The following MOB1B variants were observed in gnomAD, a reference collection of about 807,000 sequenced individuals.
The protein encoded by MOB1B is MOB kinase activator 1B.
MOB1B carries 19 observed loss-of-function variants against 24.4 expected under a neutral mutation model. The observed-to-expected ratio is 0.78, with a 90% confidence interval of 0.54 to 1.14. The LOEUF is 1.14. Ranked by LOEUF, MOB1B falls within the 50% of genes most tolerant of loss-of-function variation. MOB1B has a pLI of 0.00. For synonymous variants in MOB1B, 76 were observed against 82.1 expected (o/e 0.93, Z 0.40); for missense variants, 243 against 259.6 (o/e 0.94, Z 0.44).
At chr4:70,952,153 A>G (rs1737835720) in intron 1 of MOB1B, among the ~76,000 whole-genome samples, 1 of 152,170 alleles carries the variant, frequency 6.6e-6, no homozygotes, top group African/African-American at 2.4e-5. Flanking sequence ...TGTTTGTGGT[A>G]GCAGATGACT....
At chr4:70,905,458 A>G (rs1011012895) in intron 1 of MOB1B, among the ~76,000 whole-genome samples, 6 of 151,416 alleles carry the variant, frequency 4.0e-5, no homozygotes, top group South Asian at 2.1e-4. Flanking sequence ...CATGTTGCCC[A>G]GGCTGGTCTC....
intron 1 of MOB1B, among the ~76,000 whole-genome samples, chr4:70,934,414 A>G (rs867391835): frequency 1.4e-4 from 22 of 151,830 alleles, no homozygotes; most frequent in African/African-American, 5.1e-4. Context: ...AATATATATT[A>G]TGTAAACACT....
Position 70,982,088 on chromosome 4 carries a change from A to C in MOB1B, c.*31A>C. On this transcript the variant is annotated 3_prime_UTR_variant, in exon 6 of 6. Transcript: ENST00000309395. ...TGCAGAGCTGTGCAAATTGTTCCTC[A>C]AATGAAGCAGTGTGGAGTGTATTGG... is the stretch of plus-strand genomic sequence containing the variant. 1 of 1,497,030 alleles carries C rather than the reference A, an allele frequency of 6.7e-7. No individual in the cohort carries two copies. Among genetic ancestry groups the C allele is most frequent in the Non-Finnish European group, 9.3e-7 (1 of 1,075,406 alleles). 92.7% of individuals were successfully genotyped at this position (1,497,030 alleles called of 1,614,324 possible).
intron 1 of MOB1B, among the ~76,000 whole-genome samples, chr4:70,938,182 G>A (rs1033207006): frequency 1.4e-4 from 21 of 151,792 alleles, no homozygotes; most frequent in African/African-American, 4.4e-4. Context: ...TTGGATTTCT[G>A]TGTGCATGAG....
At chr4:70,973,824 T>C (rs1738867558) in intron 3 of MOB1B, among the ~76,000 whole-genome samples, 1 of 152,194 alleles carries the variant, frequency 6.6e-6, no homozygotes. Context: ...TATAGCTTGT[T>C]TAGTATTATT....
intron 1 of MOB1B, among the ~76,000 whole-genome samples, chr4:70,955,904 TTTA>T (rs1323595323): frequency 6.6e-6 from 1 of 152,046 alleles, no homozygotes; most frequent in Non-Finnish European, 1.5e-5. Context: ...TAAATTTCAT[TTTA>T]TTTTTATTTT....
intron 1 of MOB1B, among the ~76,000 whole-genome samples, chr4:70,923,686 A>G (rs1736530311): frequency 6.6e-6 from 1 of 152,252 alleles, no homozygotes; most frequent in South Asian, 2.1e-4. Context: ...GCGGTGGCTC[A>G]AGCCTGTAAT....
In MOB1B at chr4:70,987,486, T is replaced by C. The variant is rs1578412568; in HGVS notation, c.*5429T>C. On this transcript the variant is annotated 3_prime_UTR_variant, in exon 6 of 6. Transcript: ENST00000309395. Reference sequence around the variant, plus strand: ...CTTAAATTGTTCGACAGAAATGACTTTTTAGGGAAAGTAGTTTTTTTGGAG... The same window carrying C: ...CTTAAATTGTTCGACAGAAATGACTCTTTAGGGAAAGTAGTTTTTTTGGAG... 1 of 152,222 alleles carries C rather than the reference T, an allele frequency of 6.6e-6. No individual in the cohort carries two copies. Among genetic ancestry groups the C allele is most frequent in the East Asian group, 1.9e-4 (1 of 5,186 alleles). 9.4% of individuals were successfully genotyped at this position (152,222 alleles called of 1,614,324 possible).
intron 2 of MOB1B, among the ~76,000 whole-genome samples, chr4:70,960,821 TA>T (rs1183394188): frequency 6.6e-6 from 1 of 152,244 alleles, no homozygotes; most frequent in South Asian, 2.1e-4. Context: ...TGCCTTTTTG[TA>T]AAATTTGAGA....
rs1739420901 is a variant in MOB1B, at chr4:70,987,554, G to C, written c.*5497G>C. The C allele has an allele frequency of 6.6e-6, 1 of 152,070 alleles. No individual in the cohort carries two copies. The highest frequency in any genetic ancestry group is 2.4e-5 in the African/African-American group (1 of 41,426). 9.4% of individuals were successfully genotyped at this position (152,070 alleles called of 1,614,324 possible). A position where few individuals can be genotyped will look rare whatever the true frequency, so the allele number is the denominator to read the frequency against. On this transcript the variant is annotated 3_prime_UTR_variant, in exon 6 of 6. Coordinates refer to ENST00000309395, the MANE Select transcript of MOB1B (RefSeq NM_173468.4). ...TTATTGTACATGCATAACCAGGGTG[G>C]TGAGGGCACTAATCTTGTAGGAAAC...
intron 2 of MOB1B, among the ~76,000 whole-genome samples, chr4:70,965,658 G>A (rs925407645): frequency 2.0e-5 from 3 of 150,960 alleles, no homozygotes; most frequent in Admixed American, 6.6e-5. Flanking sequence ...TTCTCTGGGC[G>A]TGGTGGCGGG....
intron 5 of MOB1B, among the ~76,000 whole-genome samples, chr4:70,979,864 A>G (rs1739134855): frequency 6.6e-6 from 1 of 152,174 alleles, no homozygotes; most frequent in South Asian, 2.1e-4. Context: ...TAGTCTTCAA[A>G]TAACTGGCCT....
At chr4:70,968,428 C>T (rs1377435413) in intron 2 of MOB1B, among the ~76,000 whole-genome samples, 1 of 152,122 alleles carries the variant, frequency 6.6e-6, no homozygotes, top group Non-Finnish European at 1.5e-5. Context: ...TCTCCTGCCC[C>T]AGCCTCCTGA....
At chr4:70,915,381 G>T (rs998399657) in intron 1 of MOB1B, among the ~76,000 whole-genome samples, 1 of 152,200 alleles carries the variant, frequency 6.6e-6, no homozygotes, top group Non-Finnish European at 1.5e-5. Context: ...CCACAGTGTG[G>T]GAGCAGGCCC....
intron 1 of MOB1B, among the ~76,000 whole-genome samples, chr4:70,917,328 C>T (rs1736234061): frequency 6.6e-6 from 1 of 152,220 alleles, no homozygotes; most frequent in Admixed American, 6.5e-5. Context: ...GTGCACATAA[C>T]AGACTCCTTT....
intron 3 of MOB1B, among the ~76,000 whole-genome samples, chr4:70,973,612 TTGTGAAAGTGATTTTGAC>T (rs1459708841): frequency 6.6e-6 from 1 of 152,160 alleles, no homozygotes; most frequent in African/African-American, 2.4e-5. Flanking sequence ...AATCTTTTGA[TTGTGAAAGTGATTTTGAC>T]TGTGAAAGTG....
In MOB1B at chr4:70,979,281, T is replaced by G; in HGVS notation, c.563T>G (p.Phe188Cys). The G allele has an allele frequency of 6.2e-7, 1 of 1,613,126 alleles. No individual in the cohort carries two copies. The highest frequency in any genetic ancestry group is 8.5e-7 in the Non-Finnish European group (1 of 1,179,792). The change falls in exon 5 of 6, where the codon TTT becomes TGT. Residue 188 changes from phenylalanine (F) to cysteine (C), a missense_variant. Physicochemically the swap from Phe to Cys is radical, Grantham distance 205. Transcript: ENST00000309395. Reference sequence around the variant, plus strand: ...AATACATCTTTCAAGCACTTTATTTTTTTTGTCCAGGTAAGTTGGATTAGG... The same window carrying G: ...AATACATCTTTCAAGCACTTTATTTGTTTTGTCCAGGTAAGTTGGATTAGG... ...HLNTSFKHFI[F>C]FVQEFNLIDR...
At chr4:70,924,073 C>T (rs1251261640) in intron 1 of MOB1B, among the ~76,000 whole-genome samples, 2 of 150,546 alleles carry the variant, frequency 1.3e-5, no homozygotes, top group East Asian at 3.9e-4. Context: ...TTTAAGGCAA[C>T]TTTTTCTGGT....
At chr4:70,907,340 A>C (rs1735789925) in intron 1 of MOB1B, among the ~76,000 whole-genome samples, 2 of 152,188 alleles carry the variant, frequency 1.3e-5, no homozygotes, top group Admixed American at 1.3e-4. Context: ...GTGAGTTCTA[A>C]GTAATCATTC....
Sources: allele counts gnomAD v4.1 joint callset (sites outside exome capture counted in the v4.1 genomes callset), GRCh38; gene constraint gnomAD v4.1.1; transcripts MANE v1.5; gene names NCBI Gene and HGNC (gene_info 2026-07-23, HGNC 2026-07-21).